The following TAFA5 variants were observed in gnomAD, a reference collection of about 807,000 sequenced individuals.
TAFA5 encodes the protein TAFA chemokine like family member 5.
Under a neutral mutation model 15.3 loss-of-function variants are expected in TAFA5, and 6 were observed. The ratio of observed to expected loss-of-function variants is 0.39; its 90% CI spans 0.21 to 0.77. The LOEUF (loss-of-function observed/expected upper bound fraction) is 0.77, where lower values mean the gene tolerates loss of function less well. Among genes scored for constraint, TAFA5 ranks in the 30% least tolerant of loss-of-function variants. The pLI, the probability that TAFA5 is intolerant of heterozygous loss-of-function variation, is 0.41. For missense variants in TAFA5, 161 were observed against 193.1 expected (o/e 0.83, Z 0.98); for synonymous variants, 103 against 80.7 (o/e 1.28, Z -1.48).
intron 2 of TAFA5, among the ~76,000 whole-genome samples, chr22:48,686,838 GATGGATGGATGGACTA>G (rs1289501949): frequency 6.6e-6 from 1 of 151,104 alleles, no homozygotes; most frequent in African/African-American, 2.4e-5. Context: ...CTGATTGATG[GATGGATGGATGGACTA>G]ATGGATGGAT....
intron 1 of TAFA5, among the ~76,000 whole-genome samples, chr22:48,597,263 A>G (rs1924799248): frequency 6.6e-6 from 1 of 151,422 alleles, no homozygotes; most frequent in Admixed American, 6.6e-5. Context: ...CCACGCCACC[A>G]TGGCCCCCAT....
chr22:48,539,462 A>C (rs1922283867), intron 1 of TAFA5: 3 of 471,096 alleles, frequency 6.4e-6, no homozygotes, highest in South Asian at 1.5e-5. Flanking sequence ...TTCTGAAACA[A>C]AGACAATTAT....
intron 3 of TAFA5, among the ~76,000 whole-genome samples, chr22:48,740,017 T>A (rs1179097766): frequency 2.6e-5 from 4 of 152,156 alleles, no homozygotes; most frequent in African/African-American, 9.7e-5. Context: ...CCGGATGTGC[T>A]GATTCCTTAG....
intron 2 of TAFA5, among the ~76,000 whole-genome samples, chr22:48,666,811 G>A (rs1003608947): frequency 1.4e-4 from 21 of 152,192 alleles, no homozygotes; most frequent in African/African-American, 2.4e-4. Context: ...CACAGGCACC[G>A]CATGTCTGCT....
At chr22:48,498,894 C>A (rs146096042) in intron 1 of TAFA5, among the ~76,000 whole-genome samples, 1 of 152,124 alleles carries the variant, frequency 6.6e-6, no homozygotes, top group Non-Finnish European at 1.5e-5. Context: ...GACTCAATAC[C>A]AGCAGGGTGG....
intron 1 of TAFA5, among the ~76,000 whole-genome samples, chr22:48,609,544 G>A (rs1465141067): frequency 6.6e-6 from 1 of 152,216 alleles, no homozygotes; most frequent in African/African-American, 2.4e-5. Flanking sequence ...CCACGCCTCT[G>A]TCCACTTCTG....
chr22:48,489,928 G>C lies in TAFA5; in HGVS notation c.112+224G>C, dbSNP rs937269331. 3.3e-5 allele frequency among the ~76,000 whole-genome samples: 5 copies of C among 151,844 alleles called. No individual in the cohort carries two copies. Among genetic ancestry groups the C allele is most frequent in the African/African-American group, 1.2e-4 (5 of 41,386 alleles). ...ACTTCGGGGTCGGACGCCCCGGCCCGAGCCTCCCTTCCCTGACTCCCCGGC... is the reference window on the plus strand; with the variant it reads ...ACTTCGGGGTCGGACGCCCCGGCCCCAGCCTCCCTTCCCTGACTCCCCGGC... On this transcript the variant is annotated intron_variant, in intron 1 of 3. Transcript: ENST00000402357. The surrounding 1 kb of genome is among the most constrained non-coding windows in gnomAD (Gnocchi z 5.5).
intron 3 of TAFA5, among the ~76,000 whole-genome samples, chr22:48,744,003 C>T (rs1037904447): frequency 6.6e-6 from 1 of 152,262 alleles, no homozygotes; most frequent in Admixed American, 6.5e-5. Context: ...TGCGTAGTTT[C>T]AGTCCTAGGG....
At chr22:48,700,329 G>A (rs76764290) in intron 2 of TAFA5, among the ~76,000 whole-genome samples, 3,705 of 152,196 alleles carry the variant, frequency 0.024, 161 homozygotes, top group African/African-American at 0.084. Context: ...GGTGGGGTGG[G>A]GTAGGCATCG....
chr22:48,601,229 G>C (rs1045379005), intron 1 of TAFA5, among the ~76,000 whole-genome samples: 9 of 152,314 alleles, frequency 5.9e-5, no homozygotes, highest in African/African-American at 2.2e-4. Flanking sequence ...GCATCCGCTG[G>C]GGGTCTTCGA....
In TAFA5 at chr22:48,620,597, C is replaced by CTCTACCCAT. The variant is rs1351062008; in HGVS notation, c.113-26000_113-25999insTCTACCCAT. Among the ~76,000 whole-genome samples the CTCTACCCAT allele has an allele frequency of 3.2e-3, 460 of 142,456 alleles. 30 individuals carry two copies. The highest frequency in any genetic ancestry group is 3.6e-3 in the Middle Eastern group (1 of 274). The allele number at this position is 142,456 out of a possible 152,430, so 93.5% of individuals were successfully genotyped here. The stretch of plus-strand genomic sequence containing the variant: ...CATGTATCCATCCGTCCACCCACCC[C>CTCTACCCAT]CCTACCCATCCTATCCACCCACCCA... On this transcript the variant is annotated intron_variant, in intron 1 of 3. Transcript: ENST00000402357.
chr22:48,501,224 A>T (rs1247878615), intron 1 of TAFA5, among the ~76,000 whole-genome samples: 1 of 152,178 alleles, frequency 6.6e-6, no homozygotes, highest in African/African-American at 2.4e-5. Context: ...GCCTGAATGC[A>T]TGGATTGATT....
intron 1 of TAFA5, among the ~76,000 whole-genome samples, chr22:48,584,142 C>G (rs940065762): frequency 6.8e-6 from 1 of 147,288 alleles, no homozygotes; most frequent in African/African-American, 2.5e-5. Context: ...CACACACCCC[C>G]CCACAAAACA....
intron 3 of TAFA5, among the ~76,000 whole-genome samples, chr22:48,729,515 C>T (rs130203): frequency 0.68 from 100,461 of 147,236 alleles, 35,258 homozygotes; most frequent in African/African-American, 0.73. Context: ...TAGGCTAAGA[C>T]AGGCTGAAAG....
intron 3 of TAFA5, among the ~76,000 whole-genome samples, chr22:48,716,286 A>G (rs941453077): frequency 1.3e-5 from 2 of 152,236 alleles, no homozygotes; most frequent in African/African-American, 4.8e-5. Flanking sequence ...CATCAATGAT[A>G]GACTGGATAA....
chr22:48,731,399 T>C (rs1929865032), intron 3 of TAFA5, among the ~76,000 whole-genome samples: 1 of 152,214 alleles, frequency 6.6e-6, no homozygotes, highest in Non-Finnish European at 1.5e-5. Context: ...AGATTTTCAA[T>C]GTAGATGAAA....
At chr22:48,727,005 G>C (rs1039461148) in intron 3 of TAFA5, among the ~76,000 whole-genome samples, 1 of 152,012 alleles carries the variant, frequency 6.6e-6, no homozygotes, top group Non-Finnish European at 1.5e-5. Context: ...TCACTCTCAG[G>C]GTATGCTTAA....
intron 3 of TAFA5, among the ~76,000 whole-genome samples, chr22:48,716,343 AAAG>A (rs527997544): frequency 2.6e-5 from 4 of 152,376 alleles, no homozygotes; most frequent in African/African-American, 9.6e-5. Context: ...CAGCCATAAA[AAAG>A]AATGAGTTCA....
chr22:48,713,204 C>T (rs1321346638), intron 3 of TAFA5, among the ~76,000 whole-genome samples: 1 of 152,128 alleles, frequency 6.6e-6, no homozygotes, highest in East Asian at 1.9e-4. Context: ...TGGTTCTATT[C>T]GGGAACTCGT....
Sources: gnomAD v4.1 joint callset for allele counts (sites outside exome capture counted in the v4.1 genomes callset) on GRCh38, gnomAD v4.1.1 for gene constraint, Gnocchi (gnomAD v3.1) non-coding constraint, MANE v1.5 for transcripts, NCBI Gene and HGNC (gene_info 2026-07-23, HGNC 2026-07-21) for gene names.